SENP7: variants seen among roughly 807,000 people sequenced by gnomAD.
The protein encoded by SENP7 is SUMO specific peptidase 7.
Under a neutral mutation model 141.2 loss-of-function variants are expected in SENP7, and 64 were observed. The ratio of observed to expected loss-of-function variants is 0.45; its 90% CI spans 0.37 to 0.56. The LOEUF is 0.56. Among genes scored for constraint, SENP7 ranks in the 20% least tolerant of loss-of-function variants. The pLI, the probability that SENP7 is intolerant of heterozygous loss-of-function variation, is 0.00. For synonymous variants in SENP7, 382 were observed against 426.4 expected, an observed-to-expected ratio of 0.90 and a Z score of 1.28; for missense variants, 1,025 against 1,212.2, an observed-to-expected ratio of 0.85 and a Z score of 2.29.
Position 101,425,625 on chromosome 3 carries a change from G to A in SENP7, c.285-7835C>T, listed in dbSNP as rs1487476309. On this transcript the variant is annotated intron_variant, in intron 4 of 23. Coordinates refer to ENST00000394095, the MANE Select transcript of SENP7 (RefSeq NM_020654.5). ...AGTGCCTTCTTTCTTCCAAAGAACC[G>A]AACCATCTCTCCAGCAAGGGTTCTG... Among the ~76,000 whole-genome samples the A allele has an allele frequency of 3.3e-5, 5 of 152,116 alleles. No homozygotes were observed. The South Asian group carries it at 8.3e-4, about 25-fold the overall frequency.
chr3:101,459,024 A>G lies in SENP7; in HGVS notation c.215T>C (p.Ile72Thr), dbSNP rs202040573. ...QWERSLRNKV[I>T]SLDHKNKKHI... ...TTTTTTATTTTTATGGTCTAGAGAG[A>G]TGACTTTATTCCTTAGGCTTCTTTC... The change falls in exon 4 of 24, where the codon ATC becomes ACC. Residue 72 changes from isoleucine (I) to threonine (T), a missense_variant. This residue lies in a region of SENP7 where 496 missense variants were observed against 503.5 expected (regional missense o/e 0.99). Transcript: ENST00000394095. The G allele has an allele frequency of 8.1e-6, 13 of 1,602,800 alleles. No individual in the cohort carries two copies. Among genetic ancestry groups the G allele is most frequent in the Non-Finnish European group, 1.1e-5 (13 of 1,173,878 alleles).
At chr3:101,462,368 C>A (rs976151831) in intron 3 of SENP7, among the ~76,000 whole-genome samples, 2 of 151,808 alleles carry the variant, frequency 1.3e-5, no homozygotes, top group Non-Finnish European at 2.9e-5. Flanking sequence ...ATGGAGAAAC[C>A]CCGTCTCTAC....
chr3:101,436,493 G>A (rs983567427), intron 4 of SENP7, among the ~76,000 whole-genome samples: 9 of 152,256 alleles, frequency 5.9e-5, no homozygotes, highest in Middle Eastern at 3.4e-3. Flanking sequence ...ACAACCCACA[G>A]AATGTGAGAA....
intron 17 of SENP7, 35 bp from the exon 18 acceptor site, chr3:101,332,897 A>T (rs774147547): frequency 1.3e-6 from 2 of 1,546,760 alleles, no homozygotes; most frequent in South Asian, 2.6e-5. Flanking sequence ...ATATATAAAA[A>T]TTTTTTCATT....
At chr3:101,424,134 C>T (rs1268160322) in intron 4 of SENP7, among the ~76,000 whole-genome samples, 1 of 152,272 alleles carries the variant, frequency 6.6e-6, no homozygotes, top group East Asian at 1.9e-4. Context: ...TCTGTGGCCA[C>T]TCCCAGGGCC....
chr3:101,388,151 T>C (rs2060712387), intron 6 of SENP7, among the ~76,000 whole-genome samples: 1 of 152,166 alleles, frequency 6.6e-6, no homozygotes, highest in South Asian at 2.1e-4. Context: ...ACTGCCACCA[T>C]GACACCTGAG....
chr3:101,424,325 C>T (rs1364359831), intron 4 of SENP7, among the ~76,000 whole-genome samples: 1 of 142,768 alleles, frequency 7.0e-6, no homozygotes, highest in Non-Finnish European at 1.5e-5. Flanking sequence ...CCCCCCATCC[C>T]CGCACGTTGC....
At chr3:101,444,859 T>C (rs896236084) in intron 4 of SENP7, among the ~76,000 whole-genome samples, 2 of 151,840 alleles carry the variant, frequency 1.3e-5, no homozygotes, top group African/African-American at 4.8e-5. Flanking sequence ...AACCTGCACA[T>C]TGTGCACATG....
At chr3:101,378,787 AAC>A (rs1415487553) in intron 6 of SENP7, among the ~76,000 whole-genome samples, 2 of 152,162 alleles carry the variant, frequency 1.3e-5, no homozygotes, top group Admixed American at 6.5e-5. Flanking sequence ...AAGATTTAAA[AAC>A]AGTTAATAAA....
chr3:101,425,749 G>A, intron 4 of SENP7, among the ~76,000 whole-genome samples: 1 of 152,014 alleles, frequency 6.6e-6, no homozygotes, highest in East Asian at 1.9e-4. Context: ...ACCAATCCAA[G>A]GAAGCTAAGA....
At chr3:101,469,830 C>CAAAAAAAAAA (rs58498056) in intron 3 of SENP7, among the ~76,000 whole-genome samples, 1 of 24,730 alleles carries the variant, frequency 4.0e-5, no homozygotes. Flanking sequence ...GACTCCGTCT[C>CAAAAAAAAAA]AAAAAAAAAA....
At chr3:101,376,566 T>C (rs779759576) in intron 6 of SENP7, among the ~76,000 whole-genome samples, 8 of 151,072 alleles carry the variant, frequency 5.3e-5, no homozygotes, top group Non-Finnish European at 8.8e-5. Flanking sequence ...TTCTCACTCA[T>C]AGGTGGGAAT....
intron 3 of SENP7, among the ~76,000 whole-genome samples, chr3:101,470,853 C>A (rs1357931749): frequency 2.6e-5 from 4 of 152,042 alleles, no homozygotes; most frequent in East Asian, 1.9e-4. Context: ...CTTATACACC[C>A]TTAACAGACA....
intron 15 of SENP7, among the ~76,000 whole-genome samples, chr3:101,340,597 G>A (rs1270187143): frequency 2.0e-5 from 3 of 152,222 alleles, no homozygotes; most frequent in South Asian, 4.1e-4. Context: ...CGCTTTCTAA[G>A]TTTGAATCCT....
At chr3:101,341,561 A>G in intron 15 of SENP7, 85 bp downstream of exon 15, 1 of 1,213,866 alleles carries the variant, frequency 8.2e-7, no homozygotes, top group Non-Finnish European at 1.1e-6. Context: ...AAAACATTTC[A>G]AAAGTTAAAC....
intron 10 of SENP7, among the ~76,000 whole-genome samples, chr3:101,363,861 A>G (rs949787657): frequency 6.6e-6 from 1 of 152,238 alleles, no homozygotes; most frequent in African/African-American, 2.4e-5. Flanking sequence ...TAAGTTTACC[A>G]TAATTCTGCA....
At chr3:101,469,851 A>AAAG (rs2063915386) in intron 3 of SENP7, among the ~76,000 whole-genome samples, 2 of 140,894 alleles carry the variant, frequency 1.4e-5, no homozygotes, top group African/African-American at 5.2e-5. Flanking sequence ...AAAAAAAAAA[A>AAAG]AGAACAGAAA....
chr3:101,325,252 A>G lies in SENP7; in HGVS notation c.*691T>C, dbSNP rs1002541627. ...TTTTTTGTTTCAAATTTTACCCTGA[A>G]CAAATGAACTAAATTATAAGATACT... On this transcript the variant is annotated 3_prime_UTR_variant, in exon 24 of 24. Transcript: ENST00000394095. 2 of 152,160 alleles carry G rather than the reference A, an allele frequency of 1.3e-5. No homozygotes were observed. The highest frequency in any genetic ancestry group is 2.9e-5 in the Non-Finnish European group (2 of 67,976). 9.4% of individuals were successfully genotyped at this position (152,160 alleles called of 1,614,324 possible). A position where few individuals can be genotyped will look rare whatever the true frequency, so the allele number is the denominator to read the frequency against.
intron 3 of SENP7, among the ~76,000 whole-genome samples, chr3:101,483,304 A>T (rs1236985814): frequency 6.6e-6 from 1 of 152,202 alleles, no homozygotes; most frequent in Non-Finnish European, 1.5e-5. Flanking sequence ...GCAACATAGG[A>T]TCACCTAAGC....
Sources: allele counts gnomAD v4.1 joint callset (sites outside exome capture counted in the v4.1 genomes callset), GRCh38; gene constraint gnomAD v4.1.1; regional missense constraint gnomAD v4.1.1; transcripts MANE v1.5; gene names NCBI Gene and HGNC (gene_info 2026-07-23, HGNC 2026-07-21).